The following TNIK variants were observed in gnomAD, a reference collection of about 807,000 sequenced individuals.
The protein encoded by TNIK is TRAF2 and NCK-interacting protein kinase.
A neutral mutation model predicts 191.3 loss-of-function variants in TNIK; 49 were observed. That is an observed-to-expected ratio of 0.26 (90% CI 0.20 to 0.32). The LOEUF is 0.32. Among genes scored for constraint, TNIK ranks in the 10% least tolerant of loss-of-function variants. TNIK has a pLI of 1.00. For synonymous variants in TNIK, 594 were observed against 600.9 expected, an observed-to-expected ratio of 0.99 and a Z score of 0.17; for missense variants, 1,155 against 1,702.3, an observed-to-expected ratio of 0.68 and a Z score of 5.66.
chr3:171,175,215 A>C, intron 9 of TNIK, 37 bp downstream of exon 9: 1 of 1,589,432 alleles, frequency 6.3e-7, no homozygotes, highest in Non-Finnish European at 8.6e-7. Flanking sequence ...AGAAAACCTC[A>C]CCCTTAGATC....
At chr3:171,137,968 C>CAAAAAAAAAAAAA (rs58897378) in intron 15 of TNIK, among the ~76,000 whole-genome samples, 9 of 119,558 alleles carry the variant, frequency 7.5e-5, no homozygotes, top group Non-Finnish European at 1.6e-4. Context: ...CAAAGATATA[C>CAAAAAAAAAAAAA]AAAAAAAAAA....
At chr3:171,314,961 A>G (rs1001666072) in intron 2 of TNIK, among the ~76,000 whole-genome samples, 2 of 152,178 alleles carry the variant, frequency 1.3e-5, no homozygotes, top group Non-Finnish European at 2.9e-5. Flanking sequence ...AGGGAACTCA[A>G]TCAACAACTG....
At chr3:171,439,107 G>A (rs1372980811) in intron 1 of TNIK, among the ~76,000 whole-genome samples, 11 of 152,166 alleles carry the variant, frequency 7.2e-5, no homozygotes, top group Admixed American at 7.2e-4. Flanking sequence ...CACTTTGGGA[G>A]GCCGAGGCAG....
chr3:171,285,404 A>T (rs1197947934), intron 2 of TNIK, among the ~76,000 whole-genome samples: 1 of 152,214 alleles, frequency 6.6e-6, no homozygotes, highest in African/African-American at 2.4e-5. Context: ...AAAAACGTAG[A>T]TGAGAAAGTA....
At chr3:171,451,221 T>C (rs1213990184) in intron 1 of TNIK, among the ~76,000 whole-genome samples, 2 of 152,244 alleles carry the variant, frequency 1.3e-5, no homozygotes, top group African/African-American at 2.4e-5. Flanking sequence ...CTCTGCTTTC[T>C]TGATTCCTCT....
chr3:171,456,436 T>C (rs887802489), intron 1 of TNIK, among the ~76,000 whole-genome samples: 1 of 152,232 alleles, frequency 6.6e-6, no homozygotes, highest in Non-Finnish European at 1.5e-5. Flanking sequence ...TTTATATCCA[T>C]AATACTACAC....
rs542335032 is a variant in TNIK at position 171,172,583 on chromosome 3, A to C, written c.773+2669T>G. Among the ~76,000 whole-genome samples, 69 of 152,324 alleles carry C rather than the reference A, an allele frequency of 4.5e-4. 1 individual carries two copies. The highest frequency in any genetic ancestry group is 1.5e-3 in the African/African-American group (62 of 41,582). ...ACTGGTGGAATTGTATTGCAGAGAAATGGGAGCCATGTCTGCTGTCAAGTA... is the reference window on the plus strand; with the variant it reads ...ACTGGTGGAATTGTATTGCAGAGAACTGGGAGCCATGTCTGCTGTCAAGTA... On this transcript the variant is annotated intron_variant, in intron 9 of 32. Transcript: ENST00000436636.
chr3:171,394,424 C>G (rs1023837205), intron 1 of TNIK, among the ~76,000 whole-genome samples: 2 of 152,226 alleles, frequency 1.3e-5, no homozygotes, highest in Non-Finnish European at 2.9e-5. Flanking sequence ...GGTCCCACAG[C>G]CTCCTATGCT....
chr3:171,095,185 G>GAGA (rs1382761689), intron 22 of TNIK, among the ~76,000 whole-genome samples: 1 of 152,188 alleles, frequency 6.6e-6, no homozygotes, highest in East Asian at 1.9e-4. Context: ...CATACTCCTT[G>GAGA]AGAACACAGA....
At chr3:171,417,076 G>A (rs1411740427) in intron 1 of TNIK, among the ~76,000 whole-genome samples, 1 of 152,152 alleles carries the variant, frequency 6.6e-6, no homozygotes, top group Non-Finnish European at 1.5e-5. Context: ...GAATGTCTCT[G>A]TGCTACAAAA....
chr3:171,308,524 C>T (rs1253944173), intron 2 of TNIK, among the ~76,000 whole-genome samples: 1 of 152,084 alleles, frequency 6.6e-6, no homozygotes, highest in Non-Finnish European at 1.5e-5. Context: ...GACAAAGATG[C>T]CAAAAGCAAT....
At chr3:171,093,283 G>T (rs893876277) in intron 23 of TNIK, among the ~76,000 whole-genome samples, 24 of 152,198 alleles carry the variant, frequency 1.6e-4, no homozygotes, top group African/African-American at 5.8e-4. Flanking sequence ...GATGTTCCTA[G>T]AGTTTAAAAA....
At chr3:171,146,010 T>A (rs916444842) in intron 12 of TNIK, among the ~76,000 whole-genome samples, 8 of 152,200 alleles carry the variant, frequency 5.3e-5, no homozygotes, top group African/African-American at 1.7e-4. Context: ...ACTAGGCAAG[T>A]GTATAGTTTT....
chr3:171,220,898 T>G (rs1044379387), intron 3 of TNIK, among the ~76,000 whole-genome samples: 2 of 152,196 alleles, frequency 1.3e-5, no homozygotes, highest in Admixed American at 1.3e-4. Flanking sequence ...GTATCTAACA[T>G]GTGAGCATAC....
chr3:171,324,342 G>A (rs1755512948), intron 2 of TNIK, among the ~76,000 whole-genome samples: 1 of 152,112 alleles, frequency 6.6e-6, no homozygotes, highest in Non-Finnish European at 1.5e-5. Flanking sequence ...CTTGGTATCC[G>A]ATGTTCCTGT....
chr3:171,356,939 GTA>G (rs914673000), intron 2 of TNIK, among the ~76,000 whole-genome samples: 3 of 152,088 alleles, frequency 2.0e-5, no homozygotes, highest in Non-Finnish European at 4.4e-5. Context: ...CAAAGACATG[GTA>G]GAAGATGGAA....
chr3:171,208,332 T>C (rs1269458522), intron 4 of TNIK, among the ~76,000 whole-genome samples: 2 of 151,604 alleles, frequency 1.3e-5, no homozygotes, highest in African/African-American at 4.9e-5. Context: ...AAAAAAAATG[T>C]ACTGAAGAGA....
At chr3:171,364,408 G>A (rs1577645220) in intron 2 of TNIK, among the ~76,000 whole-genome samples, 2 of 150,672 alleles carry the variant, frequency 1.3e-5, no homozygotes. Flanking sequence ...TTGCTTTTGT[G>A]CAAATATATT....
rs548577239 is a variant in TNIK, at chr3:171,454,306, G to A, written c.57+5701C>T. Among the ~76,000 whole-genome samples, 9 of 152,290 alleles carry A rather than the reference G, an allele frequency of 5.9e-5. No homozygotes were observed. In the South Asian group the frequency reaches 8.3e-4, roughly 14 times the overall value. ...AATGGCGTCGAAACAAGAAGGGCAC[G>A]GAAGATTAATTCCAGGGCAGAGACA... On this transcript the variant is annotated intron_variant, in intron 1 of 32. Coordinates refer to ENST00000436636, the MANE Select transcript of TNIK (RefSeq NM_015028.4).
Sources: allele counts gnomAD v4.1 joint callset (sites outside exome capture counted in the v4.1 genomes callset), GRCh38; gene constraint gnomAD v4.1.1; transcripts MANE v1.5; gene names NCBI Gene and HGNC (gene_info 2026-07-23, HGNC 2026-07-21).